Variants in ATPAF1 observed in about 807,000 individuals in gnomAD.
ATPAF1 encodes the protein ATP synthase mitochondrial F1 complex assembly factor 1.
A neutral mutation model predicts 43.9 loss-of-function variants in ATPAF1; 26 were observed. That is an observed-to-expected ratio of 0.59 (90% CI 0.43 to 0.82). The LOEUF is 0.82. Ranked by LOEUF, ATPAF1 falls within the 40% of genes least tolerant of loss-of-function variation. The pLI is 0.00. For synonymous variants in ATPAF1, 157 were observed against 168.0 expected (o/e 0.93, Z 0.50); for missense variants, 366 against 435.0 (o/e 0.84, Z 1.41).
chr1:46,668,333 GCCTCCT>G lies in ATPAF1; in HGVS notation c.-17_-12del. 2 of 1,353,958 alleles carry G rather than the reference GCCTCCT, an allele frequency of 1.5e-6. No homozygotes were observed. The highest frequency in any genetic ancestry group is 9.5e-7 in the Non-Finnish European group (1 of 1,048,754). The allele number at this position is 1,353,958 out of a possible 1,614,324, so 83.9% of individuals were successfully genotyped here. A position where few individuals can be genotyped will look rare whatever the true frequency, so the allele number is the denominator to read the frequency against. ...CACCACAGCAGCCATGGCCGCCCCCGCCTCCTCCTCCTCCTCAGGCGCGTCGGCCTC... is the reference window on the plus strand; with the variant it reads ...CACCACAGCAGCCATGGCCGCCCCCGCCTCCTCCTCAGGCGCGTCGGCCTC... On this transcript the variant is annotated 5_prime_UTR_variant, in exon 1 of 9. Coordinates refer to ENST00000574428, the Ensembl canonical transcript of ATPAF1. This position sits in a 1 kb window ranked among gnomAD's most constrained non-coding sequence, Gnocchi z 4.4.
intron 8 of ATPAF1, among the ~76,000 whole-genome samples, chr1:46,637,140 G>A (rs142490398): frequency 2.6e-5 from 4 of 152,176 alleles, no homozygotes; most frequent in Non-Finnish European, 5.9e-5. Flanking sequence ...ATCAGCAAAG[G>A]CCCAGGGAAG....
intron 2 of ATPAF1, 59 bp downstream of exon 2, chr1:46,665,197 G>A (rs921107714): frequency 5.3e-5 from 82 of 1,536,498 alleles, no homozygotes; most frequent in Non-Finnish European, 6.9e-5. Context: ...ATAAGGGTGA[G>A]GGTAAGGAGG....
At chr1:46,668,470 A>C, upstream of ATPAF1, 2 of 730,164 alleles carry the variant, frequency 2.7e-6, no homozygotes, top group Non-Finnish European at 3.4e-6. The surrounding 1 kb of genome is among the most constrained non-coding windows in gnomAD (Gnocchi z 4.4). Context: ...GATAGCGGCG[A>C]GGCGGGGCGG....
Position 46,668,241 on chromosome 1 carries a change from C to A in ATPAF1, c.82G>T (p.Ala28Ser), listed in dbSNP as rs996803620. 16 of 1,371,794 alleles carry A rather than the reference C, an allele frequency of 1.2e-5. No individual in the cohort carries two copies. The highest frequency in any genetic ancestry group is 1.5e-5 in the African/African-American group (1 of 66,028). The allele number at this position is 1,371,794 out of a possible 1,614,324, so 85.0% of individuals were successfully genotyped here. A position where few individuals can be genotyped will look rare whatever the true frequency, so the allele number is the denominator to read the frequency against. ...AGGCCCAGGGCGCGGCTGCGCACCG[C>A]GCACAGGCCCCGGTAGAGACCGGCC... Residue 28 changes from alanine to serine, a missense_variant, in exon 1 of 9, where the codon GCG (alanine) becomes TCG (serine). This residue lies in a region of ATPAF1 where 186 missense variants were observed against 168.5 expected (regional missense o/e 1.10). Transcript: ENST00000574428. This position sits in a 1 kb window ranked among gnomAD's most constrained non-coding sequence, Gnocchi z 4.4.
At chr1:46,637,158 C>G (rs778753781) in intron 8 of ATPAF1, among the ~76,000 whole-genome samples, 1 of 152,162 alleles carries the variant, frequency 6.6e-6, no homozygotes, top group Non-Finnish European at 1.5e-5. Flanking sequence ...AAGAGAAGGG[C>G]AGTAGCAGAG....
chr1:46,665,956 T>A, intron 1 of ATPAF1: 1 of 996,612 alleles, frequency 1.0e-6, no homozygotes, highest in Non-Finnish European at 1.3e-6. Flanking sequence ...AGGTTTGAAG[T>A]CCAGGCTGGG....
downstream of ATPAF1, chr1:46,633,896 G>A: frequency 4.4e-6 from 2 of 452,324 alleles, no homozygotes; most frequent in Admixed American, 4.8e-5. Context: ...AAAATTCTTG[G>A]GACCCAAAAC....
chr1:46,652,387 C>T, intron 6 of ATPAF1, 194 bp downstream of exon 6: 1 of 534,192 alleles, frequency 1.9e-6, no homozygotes, highest in Non-Finnish European at 3.2e-6. Flanking sequence ...CTTATTAGTA[C>T]AATCAACGTG....
intron 6 of ATPAF1, among the ~76,000 whole-genome samples, chr1:46,651,367 T>G (rs1032556513): frequency 3.6e-4 from 55 of 152,050 alleles, no homozygotes; most frequent in Non-Finnish European, 5.9e-4. Flanking sequence ...CCATGGTGTA[T>G]ATGTGCCACA....
chr1:46,632,848 G>A (rs1359305925), downstream of ATPAF1: 1 of 152,604 alleles, frequency 6.6e-6, no homozygotes, highest in Non-Finnish European at 1.5e-5. Flanking sequence ...CCCTCAAGGA[G>A]CTCACAGTCT....
At chr1:46,638,373 C>T (rs901428509) in intron 8 of ATPAF1, among the ~76,000 whole-genome samples, 1 of 152,176 alleles carries the variant, frequency 6.6e-6, no homozygotes, top group African/African-American at 2.4e-5. Flanking sequence ...AATCCCAGCA[C>T]TTTGGGAGGC....
At chr1:46,644,047 T>C (rs1471071608) in intron 7 of ATPAF1, among the ~76,000 whole-genome samples, 2 of 152,204 alleles carry the variant, frequency 1.3e-5, no homozygotes, top group Non-Finnish European at 2.9e-5. Flanking sequence ...TAGTTCAGCA[T>C]CTCATTTTTC....
intron 2 of ATPAF1, among the ~76,000 whole-genome samples, chr1:46,663,042 T>C (rs1415993929): frequency 6.6e-6 from 1 of 152,196 alleles, no homozygotes. Context: ...GTTTGGTTTT[T>C]TGTCCTTGCG....
chr1:46,658,730 G>A, exon 3 of ATPAF1: 1 of 1,598,728 alleles, frequency 6.3e-7, no homozygotes, highest in South Asian at 1.1e-5. Context: ...TTTCCCCAAG[G>A]CATCTGTCTG....
At chr1:46,645,253 G>C (rs1676021097) in exon 7 of ATPAF1, 1 of 1,609,992 alleles carries the variant, frequency 6.2e-7, no homozygotes, top group African/African-American at 1.3e-5. Flanking sequence ...AGAGCACATA[G>C]AAACTGTGAA....
At chr1:46,637,511 A>G (rs925198192) in intron 8 of ATPAF1, among the ~76,000 whole-genome samples, 1 of 152,202 alleles carries the variant, frequency 6.6e-6, no homozygotes, top group African/African-American at 2.4e-5. Context: ...GGTCAGAGGT[A>G]CTTGTCCATT....
At chr1:46,663,621 G>A (rs1676437250) in intron 2 of ATPAF1, among the ~76,000 whole-genome samples, 1 of 140,868 alleles carries the variant, frequency 7.1e-6, no homozygotes. Flanking sequence ...TCCACTTTTT[G>A]ATGGGGTTTT....
At chr1:46,655,172 C>G (rs1159397205) in intron 4 of ATPAF1, among the ~76,000 whole-genome samples, 1 of 152,134 alleles carries the variant, frequency 6.6e-6, no homozygotes, top group African/African-American at 2.4e-5. Context: ...TCAATTACCT[C>G]CCATTGTGTC....
At position 46,663,990 on chromosome 1, in the gene ATPAF1, A is replaced by C. The variant is rs144640562; in HGVS notation, c.375+1266T>G. On this transcript the variant is annotated intron_variant, in intron 2 of 8. Coordinates refer to ENST00000574428, the Ensembl canonical transcript of ATPAF1. ...TAGTGGATTGTGATCAGAGTTTTTT[A>C]AAAGATGAAAGAGAATAAAAAGTAA... is the stretch of plus-strand genomic sequence containing the variant. The C allele has an allele frequency of 1.1e-4, 112 of 977,476 alleles. No individual in the cohort carries two copies. The African/African-American group carries it at 1.9e-3, about 17-fold the overall frequency. The allele number at this position is 977,476 out of a possible 1,614,324, so 60.6% of individuals were successfully genotyped here.
Sources: gnomAD v4.1 joint callset for allele counts (sites outside exome capture counted in the v4.1 genomes callset) on GRCh38, gnomAD v4.1.1 for gene constraint, gnomAD v4.1.1 regional missense constraint, Gnocchi (gnomAD v3.1) non-coding constraint, MANE v1.5 for transcripts, NCBI Gene and HGNC (gene_info 2026-07-23, HGNC 2026-07-21) for gene names.